Variants in PTPRT observed in about 807,000 individuals in gnomAD.
PTPRT encodes the protein protein tyrosine phosphatase receptor type T.
In PTPRT, 56 loss-of-function variants were observed where a neutral mutation model predicts 176.8. The ratio of observed to expected loss-of-function variants is 0.32; its 90% confidence interval spans 0.26 to 0.40. PTPRT has a LOEUF of 0.40. Ranked by LOEUF, PTPRT falls within the 10% of genes least tolerant of loss-of-function variation. The pLI, the probability that PTPRT is intolerant of heterozygous loss-of-function variation, is 1.00. For synonymous variants in PTPRT, 783 were observed against 739.0 expected (o/e 1.06, Z -0.96); for missense variants, 1,540 against 1,908.2 (o/e 0.81, Z 3.60).
chr20:42,575,985 T>C (rs928963563), intron 7 of PTPRT, among the ~76,000 whole-genome samples: 4 of 152,130 alleles, frequency 2.6e-5, no homozygotes, highest in African/African-American at 9.7e-5. Context: ...TGCTTAAAAC[T>C]CTTCAGAGGT....
intron 7 of PTPRT, among the ~76,000 whole-genome samples, chr20:42,563,467 A>T (rs2072987002): frequency 6.6e-6 from 1 of 152,214 alleles, no homozygotes; most frequent in Non-Finnish European, 1.5e-5. Context: ...ATCAAACACC[A>T]TATAAATGTG....
intron 7 of PTPRT, among the ~76,000 whole-genome samples, chr20:42,674,948 C>T (rs550038346): frequency 2.1e-4 from 32 of 152,262 alleles, no homozygotes; most frequent in African/African-American, 7.0e-4. Flanking sequence ...GAGCACAACA[C>T]GAATTCTGCA....
chr20:42,312,493 A>G lies in PTPRT; in HGVS notation c.2139+3230T>C, dbSNP rs554618519. ...CCAACTCTTCTCAGTAAAATTTAAT[A>G]CTAAAGACAGTCATTTGAAACAGTG... On this transcript the variant is annotated intron_variant, in intron 12 of 30. Coordinates refer to ENST00000373187, the MANE Select transcript of PTPRT (RefSeq NM_007050.6). 3.3e-5 allele frequency among the ~76,000 whole-genome samples: 5 copies of G among 152,250 alleles called. No homozygotes were observed. In the South Asian group the frequency reaches 1.0e-3, roughly 32 times the overall value.
chr20:42,276,506 T>C (rs1235013325), intron 13 of PTPRT, among the ~76,000 whole-genome samples: 1 of 7,396 alleles, frequency 1.4e-4, no homozygotes, highest in Non-Finnish European at 2.3e-4. Context: ...AATATATATA[T>C]ATATATATAT....
intron 2 of PTPRT, among the ~76,000 whole-genome samples, chr20:42,820,458 A>G (rs2145652886): frequency 6.6e-6 from 1 of 152,356 alleles, no homozygotes; most frequent in South Asian, 2.1e-4. Context: ...TGCCCACATC[A>G]GAATGCTAGG....
chr20:43,059,793 A>G (rs1425076557), intron 1 of PTPRT, among the ~76,000 whole-genome samples: 1 of 152,120 alleles, frequency 6.6e-6, no homozygotes, highest in African/African-American at 2.4e-5. Context: ...AGCCTGGCCA[A>G]CATGGTGAAA....
chr20:42,742,094 G>A (rs1240727499), intron 6 of PTPRT, among the ~76,000 whole-genome samples: 10 of 152,166 alleles, frequency 6.6e-5, no homozygotes, highest in Admixed American at 6.6e-5. Flanking sequence ...ATGTGCTCAG[G>A]GAGAAGGAGC....
chr20:42,611,838 C>T (rs1345630155), intron 7 of PTPRT, among the ~76,000 whole-genome samples: 1 of 152,192 alleles, frequency 6.6e-6, no homozygotes, highest in African/African-American at 2.4e-5. Flanking sequence ...TCCAGCCCCA[C>T]TAGGCTCCAC....
At chr20:42,963,819 T>C (rs1982142954) in intron 1 of PTPRT, among the ~76,000 whole-genome samples, 1 of 152,180 alleles carries the variant, frequency 6.6e-6, no homozygotes, top group Non-Finnish European at 1.5e-5. Flanking sequence ...TTTAGATACA[T>C]ACTTAAGGCA....
chr20:42,230,354 C>T (rs563291359), intron 15 of PTPRT, among the ~76,000 whole-genome samples: 6 of 152,288 alleles, frequency 3.9e-5, no homozygotes, highest in South Asian at 2.1e-4. Context: ...AACACCTTCG[C>T]GCTTTCTCAA....
intron 7 of PTPRT, among the ~76,000 whole-genome samples, chr20:42,621,085 A>T (rs1228256795): frequency 6.6e-6 from 1 of 152,158 alleles, no homozygotes; most frequent in African/African-American, 2.4e-5. Context: ...CTCCCTCAAC[A>T]AGTGGGAATT....
chr20:43,119,402 T>C (rs1453013683), intron 1 of PTPRT, among the ~76,000 whole-genome samples: 3 of 152,244 alleles, frequency 2.0e-5, no homozygotes, highest in African/African-American at 7.2e-5. Context: ...TATTTTTTCT[T>C]CTATTGTTCT....
chr20:42,985,691 A>G (rs1357950607), intron 1 of PTPRT, among the ~76,000 whole-genome samples: 1 of 152,172 alleles, frequency 6.6e-6, no homozygotes, highest in Non-Finnish European at 1.5e-5. Flanking sequence ...TACTACAGAG[A>G]AGAAAACCTA....
chr20:42,676,354 G>T (rs1467947436), intron 7 of PTPRT, among the ~76,000 whole-genome samples: 1 of 152,058 alleles, frequency 6.6e-6, no homozygotes, highest in African/African-American at 2.4e-5. Flanking sequence ...GCACCTATAT[G>T]TCAAGTCATG....
chr20:42,485,578 C>T (rs1302171690), intron 7 of PTPRT, among the ~76,000 whole-genome samples: 1 of 152,184 alleles, frequency 6.6e-6, no homozygotes, highest in African/African-American at 2.4e-5. Context: ...CTGATCGCCT[C>T]CCTTCTAGAA....
At chr20:42,297,767 G>A (rs142824260) in intron 12 of PTPRT, among the ~76,000 whole-genome samples, 2 of 152,002 alleles carry the variant, frequency 1.3e-5, no homozygotes, top group Non-Finnish European at 2.9e-5. Context: ...AAATTATCGG[G>A]ACAAAAATGG....
chr20:42,874,205 A>G (rs535024207), intron 2 of PTPRT, among the ~76,000 whole-genome samples: 1 of 152,236 alleles, frequency 6.6e-6, no homozygotes, highest in South Asian at 2.1e-4. Context: ...AGCAGGAAAC[A>G]GAGGAATCTT....
intron 7 of PTPRT, among the ~76,000 whole-genome samples, chr20:42,576,337 T>A (rs902688380): frequency 8.5e-5 from 13 of 152,206 alleles, no homozygotes; most frequent in Non-Finnish European, 1.5e-4. Flanking sequence ...GCCTGTTAAA[T>A]CCTGAACATC....
intron 7 of PTPRT, among the ~76,000 whole-genome samples, chr20:42,620,699 A>G (rs2074177299): frequency 6.6e-6 from 1 of 151,996 alleles, no homozygotes; most frequent in Non-Finnish European, 1.5e-5. Context: ...GAGTGACCCA[A>G]TTTTCCAGGT....
Sources: allele counts gnomAD v4.1 joint callset (sites outside exome capture counted in the v4.1 genomes callset), GRCh38; gene constraint gnomAD v4.1.1; transcripts MANE v1.5; gene names NCBI Gene and HGNC (gene_info 2026-07-23, HGNC 2026-07-21).